Variants in CLDN14 observed in about 807,000 individuals in gnomAD.
CLDN14 encodes claudin-14.
Under a neutral mutation model 2.1 loss-of-function variants are expected in CLDN14, and 2 were observed. The observed-to-expected ratio is 0.96, with a 90% confidence interval of 0.39 to 3.01. The LOEUF (loss-of-function observed/expected upper bound fraction) is 3.01. Among genes scored for constraint, CLDN14 ranks in the 30% most tolerant of loss-of-function variants. CLDN14 has a pLI of 0.09. For synonymous variants in CLDN14, 136 were observed against 154.4 expected (o/e 0.88, Z 0.88); for missense variants, 298 against 328.0 (o/e 0.91, Z 0.71).
chr21:36,555,603 C>T (rs1243725142), intron 1 of CLDN14, among the ~76,000 whole-genome samples: 1 of 152,148 alleles, frequency 6.6e-6, no homozygotes, highest in East Asian at 1.9e-4. Context: ...TCCAGGCTGC[C>T]TTGAAAGCCA....
intron 1 of CLDN14, among the ~76,000 whole-genome samples, chr21:36,476,273 G>A (rs949886718): frequency 1.3e-5 from 2 of 152,074 alleles, no homozygotes; most frequent in Non-Finnish European, 2.9e-5. Context: ...TGGTTGGGGG[G>A]GTGGTTCTTT....
At position 36,486,583 on chromosome 21, in the gene CLDN14, C is replaced by T. The variant is rs1474535819; in HGVS notation, c.-82+23780G>A. On this transcript the variant is annotated intron_variant, in intron 2 of 2. Coordinates refer to the CLDN14 transcript ENST00000342108. The stretch of plus-strand genomic sequence containing the variant: ...CATCAGCCAAGCTGGGCCCAGGAGG[C>T]ACTGCCACCAGATGAGAACCGCTTC... 6.4e-6 allele frequency: 10 copies of T among 1,553,858 alleles called. No homozygotes were observed. The African/African-American group carries it at 1.4e-4, about 21-fold the overall frequency.
rs2086827879 is a variant in CLDN14 at position 36,479,991 on chromosome 21, C to T, written c.-578G>A. On this transcript the variant is annotated 5_prime_UTR_variant, in exon 1 of 2. Transcript: ENST00000399135. Reference sequence around the variant, plus strand: ...TCACTTCCCTGTGTCCTGGAACTGCCTGATTGTTGTAGATTACTAAAAATC... The same window carrying T: ...TCACTTCCCTGTGTCCTGGAACTGCTTGATTGTTGTAGATTACTAAAAATC... The T allele has an allele frequency of 1.3e-5, 2 of 152,314 alleles. No individual in the cohort carries two copies. Among genetic ancestry groups the T allele is most frequent in the Non-Finnish European group, 1.5e-5 (1 of 68,140 alleles). 9.4% of individuals were successfully genotyped at this position (152,314 alleles called of 1,614,324 possible).
chr21:36,521,913 T>A (rs1008558463), intron 1 of CLDN14, among the ~76,000 whole-genome samples: 3 of 152,162 alleles, frequency 2.0e-5, no homozygotes, highest in African/African-American at 7.2e-5. Context: ...TTGGAAAATA[T>A]CTAGTGTTTT....
intron 1 of CLDN14, among the ~76,000 whole-genome samples, chr21:36,538,759 AT>A (rs35923075): frequency 0.61 from 92,103 of 151,918 alleles, 27,895 homozygotes; most frequent in Middle Eastern, 0.7. Flanking sequence ...ATTGAAAACC[AT>A]TTTTTTTCCA....
At chr21:36,472,848 T>C (rs201803732) in intron 1 of CLDN14, among the ~76,000 whole-genome samples, 1 of 152,282 alleles carries the variant, frequency 6.6e-6, no homozygotes, top group East Asian at 1.9e-4. Flanking sequence ...GCACCCACCC[T>C]CATGACCTCA....
At chr21:36,557,082 T>G (rs564498607) in intron 1 of CLDN14, among the ~76,000 whole-genome samples, 1 of 152,252 alleles carries the variant, frequency 6.6e-6, no homozygotes, top group Non-Finnish European at 1.5e-5. Flanking sequence ...TTTAGCATAA[T>G]GGCCTCCAAA....
upstream of CLDN14, among the ~76,000 whole-genome samples, chr21:36,482,351 TGG>T (rs1568851681): frequency 1.4e-5 from 2 of 147,650 alleles, no homozygotes; most frequent in African/African-American, 5.1e-5. Flanking sequence ...GATGGATGGA[TGG>T]ATGGATGGAT....
rs746997205 is a variant in CLDN14, at chr21:36,460,941, C to T, written c.*35G>A. On this transcript the variant is annotated 3_prime_UTR_variant, in exon 2 of 2. Coordinates refer to ENST00000399135, the MANE Select transcript of CLDN14 (RefSeq NM_001146079.2). The surrounding 1 kb of genome is among the most constrained non-coding windows in gnomAD (Gnocchi z 4.0). ...TGACAGTCCCGCCGGGGACCCAGCC[C>T]ACAGCAGCCCAGGGGAGAAGCAGGC... 6.2e-7 allele frequency: 1 copy of T among 1,604,728 alleles called. No individual in the cohort carries two copies. Among genetic ancestry groups the T allele is most frequent in the South Asian group, 1.1e-5 (1 of 90,182 alleles).
intron 2 of CLDN14, among the ~76,000 whole-genome samples, chr21:36,507,810 T>C (rs903581037): frequency 2.0e-5 from 3 of 151,918 alleles, no homozygotes; most frequent in Admixed American, 6.6e-5. Flanking sequence ...GTAGAGGGAG[T>C]GTCTTGTGTC....
At chr21:36,539,084 C>T (rs1313698876) in intron 1 of CLDN14, among the ~76,000 whole-genome samples, 2 of 152,256 alleles carry the variant, frequency 1.3e-5, no homozygotes, top group Non-Finnish European at 2.9e-5. Flanking sequence ...TGGGAAGTCT[C>T]TGTTGTAACC....
At position 36,552,498 on chromosome 21, in the gene CLDN14, G is replaced by A. The variant is rs142909313; in HGVS notation, c.-220+23913C>T. 8.8e-3 allele frequency among the ~76,000 whole-genome samples: 1,341 copies of A among 152,246 alleles called. 17 individuals carry two copies. The highest frequency in any genetic ancestry group is 0.014 in the Non-Finnish European group (937 of 68,014). ...TTACAGGACTCATTATCCTAAAAGGGTCACTAATGACATTTGCTGGAAATT... is the reference window on the plus strand; with the variant it reads ...TTACAGGACTCATTATCCTAAAAGGATCACTAATGACATTTGCTGGAAATT... On this transcript the variant is annotated intron_variant, in intron 1 of 2. Transcript: ENST00000342108.
intron 2 of CLDN14, among the ~76,000 whole-genome samples, chr21:36,496,174 G>A (rs1010797177): frequency 1.3e-5 from 2 of 152,082 alleles, no homozygotes; most frequent in African/African-American, 2.4e-5. Context: ...CTCCCAAAAT[G>A]CCTGTAATTC....
At chr21:36,462,942 C>CAAAA in intron 1 of CLDN14, among the ~76,000 whole-genome samples, 1 of 71,802 alleles carries the variant, frequency 1.4e-5, no homozygotes, top group Non-Finnish European at 2.7e-5. Context: ...AGCAAACAAA[C>CAAAA]AAAAAAAAAC....
Position 36,532,645 on chromosome 21 carries a change from G to T in CLDN14, c.-219-22145C>A, listed in dbSNP as rs901378221. On this transcript the variant is annotated intron_variant, in intron 1 of 2. Transcript: ENST00000342108. Reference sequence around the variant, plus strand: ...CCTTCCAACAGGTTTCAAAAGTGAGGTTCTAATTTAAGCCTTGCAGGGTCT... The same window carrying T: ...CCTTCCAACAGGTTTCAAAAGTGAGTTTCTAATTTAAGCCTTGCAGGGTCT... 2.6e-5 allele frequency among the ~76,000 whole-genome samples: 4 copies of T among 152,046 alleles called. No individual in the cohort carries two copies. In the East Asian group the frequency reaches 5.8e-4, roughly 22 times the overall value.
chr21:36,460,844 C>CGCATTCACATTATTTCCTT lies in CLDN14; in HGVS notation c.*113_*131dup. The CGCATTCACATTATTTCCTT allele has an allele frequency of 1.9e-6, 2 of 1,055,364 alleles. No individual in the cohort carries two copies. The highest frequency in any genetic ancestry group is 2.8e-6 in the Non-Finnish European group (2 of 716,714). The allele number at this position is 1,055,364 out of a possible 1,614,324, so 65.4% of individuals were successfully genotyped here. A position where few individuals can be genotyped will look rare whatever the true frequency, so the allele number is the denominator to read the frequency against. ...TCCCTGTGCTCTAAAGACATTTCCT[C>CGCATTCACATTATTTCCTT]GCATTCACATTATTTCCTTGGATAC... On this transcript the variant is annotated 3_prime_UTR_variant, in exon 2 of 2. Transcript: ENST00000399135. This position sits in a 1 kb window ranked among gnomAD's most constrained non-coding sequence, Gnocchi z 4.0.
At chr21:36,478,643 G>A (rs746823619) in intron 1 of CLDN14, among the ~76,000 whole-genome samples, 6 of 152,214 alleles carry the variant, frequency 3.9e-5, no homozygotes, top group Non-Finnish European at 7.4e-5. Flanking sequence ...GGAAGCACAC[G>A]ATGATGAACT....
intron 1 of CLDN14, among the ~76,000 whole-genome samples, chr21:36,528,185 A>C (rs1412432504): frequency 6.6e-6 from 1 of 152,228 alleles, no homozygotes; most frequent in Non-Finnish European, 1.5e-5. Context: ...AAGATAAGTA[A>C]GTAAAAATGA....
At chr21:36,510,306 G>A (rs141848398) in intron 2 of CLDN14, 184 of 152,232 alleles carry the variant, frequency 1.2e-3, no homozygotes, top group African/African-American at 4.0e-3. Flanking sequence ...CATGTTTACA[G>A]ATTTTAAGTA....
Sources: allele counts gnomAD v4.1 joint callset (sites outside exome capture counted in the v4.1 genomes callset), GRCh38; gene constraint gnomAD v4.1.1; non-coding constraint Gnocchi (gnomAD v3.1); transcripts MANE v1.5; gene names NCBI Gene and HGNC (gene_info 2026-07-23, HGNC 2026-07-21).